Variants in VTA1 observed in about 807,000 individuals in gnomAD.
VTA1 encodes vacuolar protein sorting-associated protein VTA1 homolog.
VTA1 carries 24 observed loss-of-function variants against 36.9 expected under a neutral mutation model. The observed-to-expected ratio is 0.65, with a 90% CI of 0.47 to 0.91. The LOEUF is 0.91. VTA1 is among the 40% of genes least tolerant of loss of function. The pLI is 0.00. For missense variants in VTA1, 393 were observed against 377.2 expected (o/e 1.04, Z -0.35); for synonymous variants, 142 against 130.2 (o/e 1.09, Z -0.62).
chr6:142,153,236 G>A (rs1778601084), intron 1 of VTA1, among the ~76,000 whole-genome samples: 1 of 151,986 alleles, frequency 6.6e-6, no homozygotes, highest in Non-Finnish European at 1.5e-5. Flanking sequence ...AGTATGTCGT[G>A]TGATGATCAT....
intron 1 of VTA1, among the ~76,000 whole-genome samples, chr6:142,159,339 G>A (rs1774735481): frequency 6.6e-6 from 1 of 151,894 alleles, no homozygotes; most frequent in South Asian, 2.1e-4. Context: ...ACTCCAACCT[G>A]GGCAACAGAA....
intron 4 of VTA1, among the ~76,000 whole-genome samples, chr6:142,184,866 G>C (rs892495697): frequency 6.6e-6 from 1 of 152,130 alleles, no homozygotes; most frequent in Non-Finnish European, 1.5e-5. Context: ...AGAGGAAAAT[G>C]TGTGGAAATG....
intron 5 of VTA1, 97 bp from the exon 6 acceptor site, chr6:142,198,342 T>TAAAGATTCC: frequency 1.7e-6 from 2 of 1,162,158 alleles, no homozygotes; most frequent in Non-Finnish European, 2.3e-6. Context: ...GAATTGCATT[T>TAAAGATTCC]AAAGATTCCA....
chr6:142,190,162 A>T (rs562019146), intron 5 of VTA1, among the ~76,000 whole-genome samples: 1 of 152,260 alleles, frequency 6.6e-6, no homozygotes, highest in Non-Finnish European at 1.5e-5. Context: ...TTTTTTGTAA[A>T]TCTATTTGAG....
rs79577504 is a variant in VTA1 at position 142,166,385 on chromosome 6, G to A, written c.207+63G>A. On this transcript the variant is annotated intron_variant, in intron 2 of 7. Transcript: ENST00000367630. ...TTAAAATACCATTTTATTCATTTGCGTGTCTGTGTTGTCATTTTAGTTCTT... is the reference window on the plus strand; with the variant it reads ...TTAAAATACCATTTTATTCATTTGCATGTCTGTGTTGTCATTTTAGTTCTT... 1.0e-4 allele frequency: 124 copies of A among 1,244,716 alleles called. No individual in the cohort carries two copies. The East Asian group carries it at 1.7e-3, about 17-fold the overall frequency. 77.1% of individuals were successfully genotyped at this position (1,244,716 alleles called of 1,614,324 possible). A position where few individuals can be genotyped will look rare whatever the true frequency, so the allele number is the denominator to read the frequency against.
At chr6:142,156,022 A>G (rs533397902) in intron 1 of VTA1, among the ~76,000 whole-genome samples, 5 of 152,286 alleles carry the variant, frequency 3.3e-5, no homozygotes, top group African/African-American at 1.2e-4. Context: ...GTGTTAGCCA[A>G]ATTGACCTGA....
intron 7 of VTA1, among the ~76,000 whole-genome samples, chr6:142,218,116 T>A (rs1366276071): frequency 2.0e-5 from 3 of 152,176 alleles, no homozygotes; most frequent in Non-Finnish European, 2.9e-5. Context: ...ACTTTTTTTT[T>A]ATTGAAGGTG....
At chr6:142,147,924 G>T (rs1778486363) in intron 1 of VTA1, among the ~76,000 whole-genome samples, 1 of 152,146 alleles carries the variant, frequency 6.6e-6, no homozygotes, top group East Asian at 1.9e-4. Context: ...TCCCCACCCA[G>T]CTGCTCTCTC....
At chr6:142,197,134 G>A (rs1444182620) in intron 5 of VTA1, among the ~76,000 whole-genome samples, 1 of 152,078 alleles carries the variant, frequency 6.6e-6, no homozygotes, top group Non-Finnish European at 1.5e-5. Flanking sequence ...TCATGCTCTA[G>A]TGCCTTTATG....
At chr6:142,204,119 G>A (rs1237207998) in intron 7 of VTA1, 54 bp downstream of exon 7, 2 of 1,522,582 alleles carry the variant, frequency 1.3e-6, no homozygotes, top group Non-Finnish European at 1.8e-6. Flanking sequence ...TTGGGTTGCT[G>A]TTTTGTAATT....
chr6:142,199,511 A>G (rs535785671), intron 6 of VTA1, among the ~76,000 whole-genome samples: 1 of 152,292 alleles, frequency 6.6e-6, no homozygotes, highest in Admixed American at 6.5e-5. Flanking sequence ...CCTGATTTCT[A>G]CTGTTCCTAT....
At chr6:142,178,134 A>G (rs1490853519) in intron 4 of VTA1, among the ~76,000 whole-genome samples, 4 of 152,192 alleles carry the variant, frequency 2.6e-5, no homozygotes, top group Non-Finnish European at 4.4e-5. Context: ...GAAACATTGT[A>G]GTCAAACCAC....
At chr6:142,190,428 C>T (rs1252162339) in intron 5 of VTA1, among the ~76,000 whole-genome samples, 1 of 151,854 alleles carries the variant, frequency 6.6e-6, no homozygotes, top group East Asian at 1.9e-4. Context: ...TGTTCTGTAC[C>T]TGGCTATGTT....
rs368532641 is a variant in VTA1 at position 142,198,619 on chromosome 6, G to A, written c.697+4G>A. 33 of 1,599,284 alleles carry A rather than the reference G, an allele frequency of 2.1e-5. No individual in the cohort carries two copies. The African/African-American group carries it at 3.6e-4, about 18-fold the overall frequency. On this transcript the variant is annotated splice_donor_region_variant and intron_variant, in intron 6 of 7. Coordinates refer to ENST00000367630, the MANE Select transcript of VTA1 (RefSeq NM_016485.5). ...GCAGAAGTGCCTCACAGCACAGGTG[G>A]GAAACTGTAACTGAATGATTTATTT...
chr6:142,168,553 T>TA (rs1378702139), intron 2 of VTA1, among the ~76,000 whole-genome samples: 8 of 151,858 alleles, frequency 5.3e-5, no homozygotes, highest in Admixed American at 2.0e-4. Context: ...GAACTTTTTT[T>TA]AAATGCTTTA....
rs541541313 is a variant in VTA1 at position 142,224,020 on chromosome 6, A to G, written c.*5377A>G. 3 of 152,160 alleles carry G rather than the reference A, an allele frequency of 2.0e-5. No individual in the cohort carries two copies. Among genetic ancestry groups the G allele is most frequent in the Admixed American group, 2.0e-4 (3 of 15,268 alleles). The allele number at this position is 152,160 out of a possible 1,614,324, so 9.4% of individuals were successfully genotyped here. ...TGTTATGACTAAATTGTATCCCTTC[A>G]GAATTCATATTTTGAAGCACTGATC... On this transcript the variant is annotated 3_prime_UTR_variant, in exon 8 of 8. Transcript: ENST00000367630.
At chr6:142,217,349 C>CA (rs1410157699) in intron 7 of VTA1, among the ~76,000 whole-genome samples, 2 of 152,016 alleles carry the variant, frequency 1.3e-5, no homozygotes, top group African/African-American at 4.8e-5. Flanking sequence ...TTTTCATATT[C>CA]ATGCAGTGAA....
intron 7 of VTA1, among the ~76,000 whole-genome samples, chr6:142,210,186 A>T (rs1775875015): frequency 6.6e-6 from 1 of 152,200 alleles, no homozygotes; most frequent in South Asian, 2.1e-4. Context: ...TTTTTCAATA[A>T]ATAGTGCTGG....
chr6:142,172,771 G>A (rs775314631), intron 4 of VTA1, among the ~76,000 whole-genome samples: 20 of 152,162 alleles, frequency 1.3e-4, no homozygotes, highest in Non-Finnish European at 2.8e-4. Flanking sequence ...TAGAACTTTG[G>A]AGAGTACCAG....
Sources: allele counts gnomAD v4.1 joint callset (sites outside exome capture counted in the v4.1 genomes callset), GRCh38; gene constraint gnomAD v4.1.1; transcripts MANE v1.5; gene names NCBI Gene and HGNC (gene_info 2026-07-23, HGNC 2026-07-21).